MZT2B: variants seen among roughly 807,000 people sequenced by gnomAD.
MZT2B encodes mitotic spindle organizing protein 2B.
MZT2B carries 11 observed loss-of-function variants against 12.1 expected under a neutral mutation model. The observed-to-expected ratio is 0.91, with a 90% CI of 0.57 to 1.50. The LOEUF is 1.50. Among genes scored for constraint, MZT2B ranks in the 40% most tolerant of loss-of-function variants. The pLI is 0.00. For missense variants in MZT2B, 209 were observed against 227.7 expected (o/e 0.92, Z 0.53); for synonymous variants, 85 against 109.5 (o/e 0.78, Z 1.40).
At chr2:130,182,063 C>T, upstream of MZT2B, 2 of 1,347,240 alleles carry the variant, frequency 1.5e-6, no homozygotes, top group African/African-American at 1.5e-5. Flanking sequence ...TGCGGTCCGC[C>T]ATGCCACTCC....
chr2:130,187,717 T>G (rs1193419713), intron 2 of MZT2B, among the ~76,000 whole-genome samples: 1 of 152,164 alleles, frequency 6.6e-6, no homozygotes, highest in African/African-American at 2.4e-5. Context: ...GGCCATTCTA[T>G]TCTGGGCCTT....
Position 130,190,583 on chromosome 2 carries a change from A to T in MZT2B, c.434A>T (p.Lys145Met), listed in dbSNP as rs768776976. ...PRQPSATRLP[K>M]GGGPGKSPTR... Reference sequence around the variant, plus strand: ...CAGCCCAGCGCTACCAGGCTGCCCAAGGGGGGCGGGCCTGGGAAGAGCCCT... The same window carrying T: ...CAGCCCAGCGCTACCAGGCTGCCCATGGGGGGCGGGCCTGGGAAGAGCCCT... The change falls in exon 3 of 3, where the codon AAG (lysine) becomes ATG (methionine). Residue 145 changes from lysine to methionine, a missense_variant. Lys to Met is a moderately conservative substitution (Grantham distance 95). Coordinates refer to ENST00000281871, the MANE Select transcript of MZT2B (RefSeq NM_025029.5). The T allele has an allele frequency of 1.3e-5, 21 of 1,613,066 alleles. No individual in the cohort carries two copies. Among genetic ancestry groups the T allele is most frequent in the Non-Finnish European group, 1.5e-5 (18 of 1,179,632 alleles).
At chr2:130,183,370 G>A (rs547353312) in intron 2 of MZT2B, among the ~76,000 whole-genome samples, 53 of 152,296 alleles carry the variant, frequency 3.5e-4, no homozygotes, top group Non-Finnish European at 6.2e-4. Context: ...ACTGCAGGAA[G>A]AGAGTCAGAC....
upstream of MZT2B, chr2:130,182,185 C>T (rs1300467993): frequency 2.4e-6 from 3 of 1,257,860 alleles, no homozygotes; most frequent in South Asian, 4.9e-5. Context: ...GCCAGGGCAG[C>T]CCGGGAGGCC....
At chr2:130,192,159 A>G, downstream of MZT2B, 1 of 1,579,054 alleles carries the variant, frequency 6.3e-7, no homozygotes, top group Non-Finnish European at 8.6e-7. Flanking sequence ...GCAGTCCGTG[A>G]AGCTTATATC....
intron 2 of MZT2B, chr2:130,184,973 T>C: frequency 2.6e-6 from 2 of 776,550 alleles, no homozygotes; most frequent in Non-Finnish European, 3.1e-6. Context: ...AAGACCAGCC[T>C]GGGCAACATA....
chr2:130,191,974 A>T (rs1171658642), downstream of MZT2B: 1 of 1,613,762 alleles, frequency 6.2e-7, no homozygotes, highest in South Asian at 1.1e-5. Flanking sequence ...CAGTGCACAA[A>T]GGCCCACTTG....
chr2:130,185,134 C>G (rs1037280683), intron 2 of MZT2B, among the ~76,000 whole-genome samples: 8 of 152,072 alleles, frequency 5.3e-5, no homozygotes, highest in Non-Finnish European at 1.0e-4. Flanking sequence ...ACGGTGAAAC[C>G]CCGTCTCTAC....
downstream of MZT2B, chr2:130,194,057 T>C (rs1360269679): frequency 6.2e-7 from 1 of 1,613,796 alleles, no homozygotes; most frequent in Non-Finnish European, 8.5e-7. Flanking sequence ...GATGCGGGGG[T>C]ACGGCACGAG....
the MZT2B span, among the ~76,000 whole-genome samples, chr2:130,201,019 G>A: frequency 6.6e-6 from 1 of 152,238 alleles, no homozygotes; most frequent in Admixed American, 6.5e-5. Context: ...TCCCTGGAGG[G>A]TGGCCAAGCA....
At position 130,184,072 on chromosome 2, in the gene MZT2B, C is replaced by G. The variant is rs559258508; in HGVS notation, c.319+1297C>G. The G allele has an allele frequency of 8.2e-5, 127 of 1,548,742 alleles. No individual in the cohort carries two copies. The Middle Eastern group carries it at 1.0e-3, about 12-fold the overall frequency. On this transcript the variant is annotated intron_variant, in intron 2 of 2. Transcript: ENST00000281871. ...CAGCTTTGAGCTCCAAGGGCAGGAC[C>G]ATGCAGGCCATCGCTGCCCTGCCGC...
intron 2 of MZT2B, chr2:130,183,976 A>G: frequency 1.3e-6 from 2 of 1,550,170 alleles, no homozygotes; most frequent in East Asian, 4.9e-5. Flanking sequence ...GGTTGCGTTT[A>G]TTGGCTTATC....
downstream of MZT2B, among the ~76,000 whole-genome samples, chr2:130,193,207 A>T (rs1690311416): frequency 6.6e-6 from 1 of 151,910 alleles, no homozygotes; most frequent in Non-Finnish European, 1.5e-5. Context: ...GTGAGCCAGG[A>T]TCACACTACT....
At chr2:130,193,974 C>T (rs758642630), downstream of MZT2B, 3 of 1,614,082 alleles carry the variant, frequency 1.9e-6, no homozygotes, top group African/African-American at 2.7e-5. Context: ...TTGGTGATCT[C>T]GGCCACAGAC....
the MZT2B span, chr2:130,198,347 C>G: frequency 7.4e-7 from 1 of 1,353,488 alleles, no homozygotes; most frequent in African/African-American, 1.5e-5. Context: ...CGGGAGTGAC[C>G]CGGGTCTTAC....
intron 2 of MZT2B, chr2:130,184,752 TG>T (rs1289049340): frequency 1.0e-6 from 1 of 985,258 alleles, no homozygotes; most frequent in Non-Finnish European, 1.2e-6. Flanking sequence ...CTCCAGGGGA[TG>T]TTGCTGCTCA....
chr2:130,198,333 G>C, the MZT2B span: 1 of 1,353,236 alleles, frequency 7.4e-7, no homozygotes, highest in Non-Finnish European at 1.0e-6. Context: ...GGGCATCTGC[G>C]GGGCGGGAGT....
In MZT2B at chr2:130,182,593, G is replaced by A. The variant is rs561478731; in HGVS notation, c.171-34G>A. ...CAGGGAGGTGGCCGCGCCGGGCGGA[G>A]AGGGCTCACCGGCCCCGCGTCTGTC... On this transcript the variant is annotated intron_variant, in intron 1 of 2. Transcript: ENST00000281871. 1.5e-4 allele frequency: 228 copies of A among 1,557,722 alleles called. No homozygotes were observed. The African/African-American group carries it at 2.8e-3, about 19-fold the overall frequency.
At chr2:130,199,699 A>G in the MZT2B span, among the ~76,000 whole-genome samples, 695 of 103,006 alleles carry the variant, frequency 6.7e-3, 218 homozygotes, top group East Asian at 0.16. Flanking sequence ...TTGAAATTAG[A>G]GAAGTCTTGC....
Sources: allele counts gnomAD v4.1 joint callset (sites outside exome capture counted in the v4.1 genomes callset), GRCh38; gene constraint gnomAD v4.1.1; transcripts MANE v1.5; gene names NCBI Gene and HGNC (gene_info 2026-07-23, HGNC 2026-07-21).